Variants in PLXDC1 observed in about 807,000 individuals in gnomAD.
The protein encoded by PLXDC1 is plexin domain-containing protein 1.
PLXDC1 carries 39 observed loss-of-function variants against 61.3 expected under a neutral mutation model. That is an observed-to-expected ratio of 0.64 (90% CI 0.49 to 0.83). PLXDC1 has a LOEUF of 0.83. PLXDC1 is among the 40% of genes least tolerant of loss of function. PLXDC1 has a pLI of 0.00. For synonymous variants in PLXDC1, 212 were observed against 254.5 expected (o/e 0.83, Z 1.59); for missense variants, 596 against 666.5 (o/e 0.89, Z 1.17).
intron 13 of PLXDC1, among the ~76,000 whole-genome samples, chr17:39,069,083 A>G (rs934106836): frequency 6.6e-6 from 1 of 152,096 alleles, no homozygotes; most frequent in Non-Finnish European, 1.5e-5. Flanking sequence ...GGCAGCTCTT[A>G]TCATTATTTG....
At position 39,108,225 on chromosome 17, in the gene PLXDC1, C is replaced by T. The variant is rs140976560; in HGVS notation, c.490G>A (p.Val164Met). The change falls in exon 5 of 14, where the codon GTG (valine) becomes ATG (methionine). Residue 164 changes from valine (V) to methionine (M), a missense_variant. Transcript: ENST00000315392. ...GTAGCTGTGAGCATCCGATGGATCA[C>T]GTCCCCCATGAAGATGAAGCCTAGG... ...ATGGFIFMGDVIHRMLTATQY... is the reference protein window; with the variant it reads ...ATGGFIFMGDMIHRMLTATQY... 6.8e-6 allele frequency: 11 copies of T among 1,613,938 alleles called. No homozygotes were observed. Among genetic ancestry groups the T allele is most frequent in the South Asian group, 5.5e-5 (5 of 91,082 alleles).
At chr17:39,088,936 C>G (rs1448130470) in intron 7 of PLXDC1, among the ~76,000 whole-genome samples, 5 of 26,802 alleles carry the variant, frequency 1.9e-4, no homozygotes, top group Non-Finnish European at 2.7e-4. Context: ...GTGACAAGAG[C>G]AAGACTGAAA....
At chr17:39,104,519 G>A (rs1332899823) in intron 7 of PLXDC1, among the ~76,000 whole-genome samples, 1 of 152,170 alleles carries the variant, frequency 6.6e-6, no homozygotes, top group African/African-American at 2.4e-5. Flanking sequence ...CATGGGGGCT[G>A]ACGTCTGTAA....
At position 39,107,467 on chromosome 17, in the gene PLXDC1, G is replaced by A. The variant is rs1910635733; in HGVS notation, c.651C>T (p.Gly217=). ...HVYLQGWEDK[G]SFTFQAALHH... is the part of the protein sequence containing the mutation. ...GCAGAGCTGCCTGGAAGGTGAAACT[G>A]CCCTTGTCTTCCCAGCCTTGGAGAT... The change falls in exon 6 of 14, where the codon GGC becomes GGT. Residue 217 remains glycine (G), a synonymous_variant. Transcript: ENST00000315392. 14 of 1,613,970 alleles carry A rather than the reference G, an allele frequency of 8.7e-6. No individual in the cohort carries two copies. The highest frequency in any genetic ancestry group is 1.2e-5 in the Non-Finnish European group (14 of 1,179,960).
Position 39,146,137 on chromosome 17 carries a change from C to G in PLXDC1, c.76+5225G>C, listed in dbSNP as rs140187622. 2.0e-3 allele frequency among the ~76,000 whole-genome samples: 290 copies of G among 143,274 alleles called. 1 individual carries two copies. Among genetic ancestry groups the G allele is most frequent in the African/African-American group, 6.5e-3 (241 of 37,292 alleles). 94.0% of individuals were successfully genotyped at this position (143,274 alleles called of 152,430 possible). A position where few individuals can be genotyped will look rare whatever the true frequency, so the allele number is the denominator to read the frequency against. On this transcript the variant is annotated intron_variant, in intron 1 of 13. Transcript: ENST00000315392. ...CCAGGCTGGAGTACATTGGTGTGAT[C>G]TCAGCTCCCTGCAACCTCCACCTCT...
intron 1 of PLXDC1, among the ~76,000 whole-genome samples, chr17:39,145,987 G>C (rs2045339291): frequency 6.6e-6 from 1 of 152,054 alleles, no homozygotes. Flanking sequence ...CGTCTTCTCA[G>C]GGTTAACAAG....
intron 2 of PLXDC1, among the ~76,000 whole-genome samples, chr17:39,126,601 G>A (rs1911317229): frequency 1.3e-5 from 2 of 152,016 alleles, no homozygotes; most frequent in Non-Finnish European, 2.9e-5. Flanking sequence ...AGGGTCTCTG[G>A]TGGCTGGAAC....
chr17:39,114,465 T>G (rs1333856416), intron 2 of PLXDC1, among the ~76,000 whole-genome samples: 1 of 152,238 alleles, frequency 6.6e-6, no homozygotes, highest in East Asian at 1.9e-4. Flanking sequence ...ACCCTGTGCT[T>G]CTTTCTCCTG....
At chr17:39,151,848 AG>A (rs914263442), upstream of PLXDC1, among the ~76,000 whole-genome samples, 1 of 152,120 alleles carries the variant, frequency 6.6e-6, no homozygotes, top group African/African-American at 2.4e-5. This position sits in a 1 kb window ranked among gnomAD's most constrained non-coding sequence, Gnocchi z 5.2. Context: ...GAGAACCCCT[AG>A]AAGCATCAGC....
chr17:39,135,979 G>T (rs1195920138), intron 2 of PLXDC1, among the ~76,000 whole-genome samples: 1 of 152,166 alleles, frequency 6.6e-6, no homozygotes, highest in South Asian at 2.1e-4. Context: ...GCTCTTTTCT[G>T]AAAGGTCCTC....
chr17:39,107,898 G>A (rs1035240765), intron 5 of PLXDC1: 11 of 593,578 alleles, frequency 1.9e-5, no homozygotes, highest in Admixed American at 5.9e-5. Flanking sequence ...ATTTTACCTC[G>A]ACTAAGAGCC....
intron 7 of PLXDC1, among the ~76,000 whole-genome samples, chr17:39,105,269 C>T (rs920171633): frequency 1.3e-5 from 2 of 152,192 alleles, no homozygotes; most frequent in Non-Finnish European, 2.9e-5. Context: ...ATCCAAGACC[C>T]TCGTGAGCAC....
At chr17:39,132,525 G>T (rs1911599368) in intron 2 of PLXDC1, among the ~76,000 whole-genome samples, 2 of 150,604 alleles carry the variant, frequency 1.3e-5, no homozygotes, top group Admixed American at 6.6e-5. Flanking sequence ...GGGAGGAGAT[G>T]GTTCTGACCA....
chr17:39,149,228 C>A (rs1297176849), intron 1 of PLXDC1, among the ~76,000 whole-genome samples: 1 of 152,132 alleles, frequency 6.6e-6, no homozygotes, highest in East Asian at 1.9e-4. Context: ...TCAGCTACTT[C>A]CCAAGGCCCC....
rs1456516254 is a variant in PLXDC1 at position 39,100,763 on chromosome 17, G to A, written c.811+5091C>T. Among the ~76,000 whole-genome samples the A allele has an allele frequency of 2.6e-5, 4 of 152,238 alleles. No homozygotes were observed. In the South Asian group the frequency reaches 6.2e-4, roughly 24 times the overall value. Reference sequence around the variant, plus strand: ...ATTTAACAACTGGCTCAACACAGGCGTTTACCAACCAGTCAGAGCAGATGC... The same window carrying A: ...ATTTAACAACTGGCTCAACACAGGCATTTACCAACCAGTCAGAGCAGATGC... On this transcript the variant is annotated intron_variant, in intron 7 of 13. Transcript: ENST00000315392.
intron 7 of PLXDC1, among the ~76,000 whole-genome samples, chr17:39,090,823 A>G (rs562568444): frequency 1.3e-5 from 2 of 152,156 alleles, no homozygotes; most frequent in Middle Eastern, 3.2e-3. Flanking sequence ...AAACTTGAAC[A>G]TGAGGAGGAA....
intron 11 of PLXDC1, among the ~76,000 whole-genome samples, chr17:39,073,871 G>A (rs972679851): frequency 2.6e-5 from 4 of 152,214 alleles, no homozygotes; most frequent in African/African-American, 7.2e-5. Flanking sequence ...CTTTGTGACA[G>A]CTACTTGCCA....
At chr17:39,097,084 C>G (rs540922202) in intron 7 of PLXDC1, 1 of 448,268 alleles carries the variant, frequency 2.2e-6, no homozygotes, top group African/African-American at 2.0e-5. Flanking sequence ...CATTGCACCT[C>G]CCATCCCCTT....
intron 7 of PLXDC1, among the ~76,000 whole-genome samples, chr17:39,101,505 G>A (rs961205212): frequency 2.0e-5 from 3 of 152,154 alleles, no homozygotes; most frequent in Non-Finnish European, 4.4e-5. Flanking sequence ...GGGAAGGGAG[G>A]GTGAGGTGCG....
Sources: allele counts gnomAD v4.1 joint callset (sites outside exome capture counted in the v4.1 genomes callset), GRCh38; gene constraint gnomAD v4.1.1; non-coding constraint Gnocchi (gnomAD v3.1); transcripts MANE v1.5; gene names NCBI Gene and HGNC (gene_info 2026-07-23, HGNC 2026-07-21).